Variants in HS6ST2 observed in about 807,000 individuals in gnomAD.
HS6ST2 encodes heparan sulfate 6-O-sulfotransferase 2.
A neutral mutation model predicts 33.0 loss-of-function variants in HS6ST2; 17 were observed. The observed-to-expected ratio is 0.52, with a 90% CI of 0.35 to 0.77. The LOEUF (loss-of-function observed/expected upper bound fraction) is 0.77. Among genes scored for constraint, HS6ST2 ranks in the 30% least tolerant of loss-of-function variants. HS6ST2 has a pLI of 0.01. For synonymous variants in HS6ST2, 248 were observed against 237.1 expected, an observed-to-expected ratio of 1.05 and a Z score of -0.42; for missense variants, 519 against 551.7, an observed-to-expected ratio of 0.94 and a Z score of 0.59.
At chrX:132,757,044 AG>A (rs2064762714) in intron 2 of HS6ST2, among the ~76,000 whole-genome samples, 1 of 111,620 alleles carries the variant, frequency 9.0e-6, no homozygotes, top group African/African-American at 3.3e-5. Context: ...TGGGGGTAAA[AG>A]GTGCTGTAAA....
At chrX:132,721,504 T>C (rs2064327402) in intron 2 of HS6ST2, among the ~76,000 whole-genome samples, 1 of 112,176 alleles carries the variant, frequency 8.9e-6, no homozygotes, top group Admixed American at 9.4e-5. Flanking sequence ...AAGGGAATGA[T>C]CTAACTTCTT....
At chrX:132,808,505 G>C (rs1485642932) in intron 2 of HS6ST2, among the ~76,000 whole-genome samples, 1 of 111,468 alleles carries the variant, frequency 9.0e-6, no homozygotes, top group Non-Finnish European at 1.9e-5. Flanking sequence ...CTAGCACTTG[G>C]AAAATCTAAA....
chrX:132,864,351 T>C (rs1317474223), intron 2 of HS6ST2, among the ~76,000 whole-genome samples: 4 of 108,184 alleles, frequency 3.7e-5, no homozygotes, highest in Non-Finnish European at 7.6e-5. Flanking sequence ...ACTAAGAACC[T>C]TGAAAAAAGG....
At chrX:132,772,910 A>T (rs2064920566) in intron 2 of HS6ST2, among the ~76,000 whole-genome samples, 2 of 84,344 alleles carry the variant, frequency 2.4e-5, no homozygotes, top group African/African-American at 9.3e-5. Context: ...ATAAAATATA[A>T]TATATTTTAT....
chrX:132,839,272 GTATATATATATATATA>G (rs748319681), intron 2 of HS6ST2, among the ~76,000 whole-genome samples: 6 of 62,789 alleles, frequency 9.6e-5, no homozygotes, highest in East Asian at 7.1e-4. Flanking sequence ...TGTAGTGTGT[GTATATATATATATATA>G]TATATATATA....
intron 2 of HS6ST2, among the ~76,000 whole-genome samples, chrX:132,714,969 T>C (rs775587748): frequency 8.9e-6 from 1 of 112,005 alleles, no homozygotes; most frequent in South Asian, 3.8e-4. Context: ...GAGGTTATAT[T>C]TGGACTGAGC....
intron 3 of HS6ST2, among the ~76,000 whole-genome samples, chrX:132,704,985 T>A (rs1313677124): frequency 1.8e-5 from 2 of 111,743 alleles, no homozygotes. Context: ...GAAATTGGAG[T>A]TAGCCTGGGG....
chrX:132,950,355 C>T (rs2066999427), intron 2 of HS6ST2, among the ~76,000 whole-genome samples: 2 of 111,753 alleles, frequency 1.8e-5, no homozygotes. Context: ...TGCAAAATCC[C>T]AGAAAAGAAA....
At chrX:132,747,394 G>A (rs2148294025) in intron 2 of HS6ST2, among the ~76,000 whole-genome samples, 1 of 111,975 alleles carries the variant, frequency 8.9e-6, no homozygotes, top group Admixed American at 9.4e-5. Flanking sequence ...AAATAGACAA[G>A]GCTGTTTACC....
In HS6ST2 at chrX:132,819,394, T is replaced by A. The variant is rs72614191; in HGVS notation, c.948-110900A>T. Reference sequence around the variant, plus strand: ...TGCAAAACCTGGGATTCACCAGCTTTGAAAAGAAAATGCTGGAGACAAAAA... The same window carrying A: ...TGCAAAACCTGGGATTCACCAGCTTAGAAAAGAAAATGCTGGAGACAAAAA... On this transcript the variant is annotated intron_variant, in intron 2 of 4. Coordinates refer to ENST00000370833, the MANE Select transcript of HS6ST2 (RefSeq NM_001394073.1). 9.9e-5 allele frequency among the ~76,000 whole-genome samples: 11 copies of A among 111,443 alleles called. No homozygotes were observed. In the East Asian group the frequency reaches 3.1e-3, roughly 32 times the overall value.
At chrX:132,862,205 A>G in intron 2 of HS6ST2, among the ~76,000 whole-genome samples, 1 of 112,064 alleles carries the variant, frequency 8.9e-6, no homozygotes, top group Non-Finnish European at 1.9e-5. Context: ...CTATTTTCAT[A>G]CCTGTACATT....
intron 2 of HS6ST2, among the ~76,000 whole-genome samples, chrX:132,822,254 C>T (rs951644112): frequency 4.5e-5 from 5 of 111,363 alleles, no homozygotes; most frequent in African/African-American, 9.8e-5. Context: ...CTGGCTCTGT[C>T]GAGTAGGCCA....
chrX:132,876,750 A>AGTG (rs2066111933), intron 2 of HS6ST2, among the ~76,000 whole-genome samples: 3 of 110,228 alleles, frequency 2.7e-5, no homozygotes, highest in Non-Finnish European at 5.7e-5. Flanking sequence ...GGGCCCCAAC[A>AGTG]CTCCTTGATG....
chrX:132,904,261 C>G (rs1436872686), intron 2 of HS6ST2, among the ~76,000 whole-genome samples: 1 of 111,219 alleles, frequency 9.0e-6, no homozygotes, highest in Non-Finnish European at 1.9e-5. Flanking sequence ...TTTGATTTGC[C>G]CTTCTCAGTT....
intron 4 of HS6ST2, among the ~76,000 whole-genome samples, chrX:132,667,903 T>C (rs2063821397): frequency 8.9e-6 from 1 of 112,827 alleles, no homozygotes; most frequent in African/African-American, 3.2e-5. Flanking sequence ...TCATAATTTA[T>C]ACAGCATTTT....
intron 2 of HS6ST2, among the ~76,000 whole-genome samples, chrX:132,747,732 G>T (rs1193769437): frequency 6.3e-5 from 7 of 110,665 alleles, no homozygotes; most frequent in Non-Finnish European, 1.1e-4. Context: ...GCTTGCCCAA[G>T]GTTAGACAGG....
intron 2 of HS6ST2, among the ~76,000 whole-genome samples, chrX:132,935,425 C>A (rs2066813788): frequency 9.0e-6 from 1 of 111,516 alleles, no homozygotes; most frequent in East Asian, 2.8e-4. Context: ...TGCAGTGGCA[C>A]AATCTCAGCT....
At chrX:132,745,242 T>A (rs1274983823) in intron 2 of HS6ST2, among the ~76,000 whole-genome samples, 1 of 111,517 alleles carries the variant, frequency 9.0e-6, no homozygotes, top group Non-Finnish European at 1.9e-5. Flanking sequence ...CACATCACTG[T>A]GCCCAGCTAA....
chrX:132,866,755 T>C (rs1197647518), intron 2 of HS6ST2, among the ~76,000 whole-genome samples: 1 of 72,605 alleles, frequency 1.4e-5, no homozygotes, highest in East Asian at 4.4e-4. Context: ...TGAATGGGAG[T>C]TCACTCATGA....
Sources: gnomAD v4.1 joint callset for allele counts (sites outside exome capture counted in the v4.1 genomes callset) on GRCh38, gnomAD v4.1.1 for gene constraint, MANE v1.5 for transcripts, NCBI Gene and HGNC (gene_info 2026-07-23, HGNC 2026-07-21) for gene names.